Variants in TTC3 observed in about 807,000 individuals in gnomAD.
The protein encoded by TTC3 is E3 ubiquitin-protein ligase TTC3.
A neutral mutation model predicts 249.6 loss-of-function variants in TTC3; 180 were observed. The ratio of observed to expected loss-of-function variants is 0.72; its 90% confidence interval spans 0.64 to 0.82. The LOEUF is 0.82. Ranked by LOEUF, TTC3 falls within the 40% of genes least tolerant of loss-of-function variation. The pLI is 0.00. For missense variants in TTC3, 2,061 were observed against 2,398.4 expected, an observed-to-expected ratio of 0.86 and a Z score of 2.94; for synonymous variants, 717 against 805.0, an observed-to-expected ratio of 0.89 and a Z score of 1.85.
chr21:37,186,923 ACTGC>A (rs961176336), intron 37 of TTC3, 122 bp from the exon 38 acceptor site: 10 of 574,190 alleles, frequency 1.7e-5, no homozygotes, highest in Non-Finnish European at 3.0e-5. Context: ...GAGATGAGAA[ACTGC>A]TCTGGAAGAT....
At chr21:37,119,696 T>A (rs1010995541) in intron 11 of TTC3, among the ~76,000 whole-genome samples, 3 of 152,200 alleles carry the variant, frequency 2.0e-5, no homozygotes, top group Non-Finnish European at 4.4e-5. Flanking sequence ...TTACTTTATA[T>A]GTTTTTCATA....
At chr21:37,144,773 C>T (rs1274483263) in intron 21 of TTC3, 128 bp downstream of exon 21, 1 of 1,140,078 alleles carries the variant, frequency 8.8e-7, no homozygotes, top group Non-Finnish European at 1.2e-6. Context: ...TTCCCCTCTA[C>T]TGTCTAATGA....
At chr21:37,092,619 T>C (rs1425509533) in intron 7 of TTC3, among the ~76,000 whole-genome samples, 1 of 152,246 alleles carries the variant, frequency 6.6e-6, no homozygotes, top group Non-Finnish European at 1.5e-5. Flanking sequence ...TAAGACTAGA[T>C]AAGTCAGATC....
In TTC3 at chr21:37,112,981, A is replaced by G. The variant is rs530827554; in HGVS notation, c.900+4535A>G. On this transcript the variant is annotated intron_variant, in intron 11 of 45. Coordinates refer to ENST00000355666, the Ensembl canonical transcript of TTC3. ...ATAGATGCAGAAAAGTCCTTTGACAAAATTCAACAACGCTTCATGCTAAAA... is the reference window on the plus strand; with the variant it reads ...ATAGATGCAGAAAAGTCCTTTGACAGAATTCAACAACGCTTCATGCTAAAA... Among the ~76,000 whole-genome samples, 223 of 152,374 alleles carry G rather than the reference A, an allele frequency of 1.5e-3. 2 individuals carry two copies. The highest frequency in any genetic ancestry group is 4.9e-3 in the African/African-American group (204 of 41,590).
At chr21:37,159,878 G>C in intron 29 of TTC3, 133 bp downstream of exon 29, 2 of 670,212 alleles carry the variant, frequency 3.0e-6, no homozygotes, top group South Asian at 1.7e-5. Context: ...CGTCTGGGTA[G>C]TACGTACTAT....
intron 35 of TTC3, among the ~76,000 whole-genome samples, chr21:37,182,441 C>T (rs901374231): frequency 6.6e-6 from 1 of 152,196 alleles, no homozygotes; most frequent in African/African-American, 2.4e-5. Flanking sequence ...ATTGGCCTTG[C>T]CAACTAAAAC....
At chr21:37,160,367 A>G (rs1029058796) in intron 29 of TTC3, among the ~76,000 whole-genome samples, 5 of 152,230 alleles carry the variant, frequency 3.3e-5, no homozygotes, top group Non-Finnish European at 7.3e-5. Context: ...TAAGCAGGGA[A>G]ACACAGCTGA....
chr21:37,153,455 G>T, intron 27 of TTC3, 178 bp downstream of exon 27: 1 of 609,644 alleles, frequency 1.6e-6, no homozygotes. Flanking sequence ...CAGGATGATT[G>T]CTTAATCTCA....
chr21:37,157,003 A>G, intron 28 of TTC3, 97 bp downstream of exon 28: 1 of 1,452,944 alleles, frequency 6.9e-7, no homozygotes, highest in Non-Finnish European at 9.3e-7. Flanking sequence ...CAAAGAAAAT[A>G]GTGAAAATTA....
intron 14 of TTC3, among the ~76,000 whole-genome samples, chr21:37,125,411 T>G (rs1007017505): frequency 2.6e-5 from 4 of 152,232 alleles, no homozygotes; most frequent in South Asian, 2.1e-4. Flanking sequence ...TTGTGAGAGA[T>G]ATTACTGACT....
At chr21:37,093,084 A>G (rs1772809924) in intron 7 of TTC3, among the ~76,000 whole-genome samples, 1 of 152,196 alleles carries the variant, frequency 6.6e-6, no homozygotes, top group African/African-American at 2.4e-5. Flanking sequence ...TATGACATTC[A>G]AAGGAAATGC....
intron 16 of TTC3, 33 bp downstream of exon 16, chr21:37,129,096 C>A: frequency 6.8e-7 from 1 of 1,462,788 alleles, no homozygotes; most frequent in African/African-American, 1.5e-5. Flanking sequence ...GTTTTTTTCC[C>A]CTTAATATAC....
At position 37,179,534 on chromosome 21, in the gene TTC3, G is replaced by A. The variant is rs529564234; in HGVS notation, c.4618-3240G>A. Among the ~76,000 whole-genome samples, 52 of 152,176 alleles carry A rather than the reference G, an allele frequency of 3.4e-4. No homozygotes were observed. In the South Asian group the frequency reaches 3.9e-3, roughly 12 times the overall value. ...CTTTGGTGTCATAGCTAAGAAACCC[G>A]TCTACTTCAAGCGCACTGCTTACCC... On this transcript the variant is annotated intron_variant, in intron 35 of 45. Transcript: ENST00000355666.
intron 11 of TTC3, 27 bp downstream of exon 11, chr21:37,108,473 A>C (rs1457693570): frequency 1.3e-6 from 2 of 1,595,868 alleles, no homozygotes; most frequent in Non-Finnish European, 1.7e-6. Flanking sequence ...TTTTATATTG[A>C]GCAAATAATG....
Position 37,165,714 on chromosome 21 carries a change from A to G in TTC3, c.3500A>G (p.Asn1167Ser), listed in dbSNP as rs1024752167. The change falls in exon 33 of 46, where the codon AAC (asparagine) becomes AGC (serine). Residue 1167 changes from asparagine to serine, a missense_variant. This residue lies in a region of TTC3 where 1,040 missense variants were observed against 1,186.1 expected (regional missense o/e 0.88). Transcript: ENST00000355666. ...TGCCCTCGTTTTGTTGTGATTGACAACTGTATTGCACTGAAGAAGGTTGCA... is the reference window on the plus strand; with the variant it reads ...TGCCCTCGTTTTGTTGTGATTGACAGCTGTATTGCACTGAAGAAGGTTGCA... 7.4e-6 allele frequency: 12 copies of G among 1,613,602 alleles called. No homozygotes were observed. The highest frequency in any genetic ancestry group is 2.7e-5 in the African/African-American group (2 of 74,936).
In TTC3 at chr21:37,087,890, A is replaced by G. The variant is rs373589861; in HGVS notation, c.187+15A>G. 6 of 1,581,468 alleles carry G rather than the reference A, an allele frequency of 3.8e-6. No individual in the cohort carries two copies. In the African/African-American group the frequency reaches 6.8e-5, roughly 18 times the overall value. ...GAGGAATTTGGGTGAGTACGTTGGT[A>G]TTTTTAATGTTAATTTATGGAAAGA... is the stretch of plus-strand genomic sequence containing the variant. On this transcript the variant is annotated intron_variant, in intron 3 of 45. Coordinates refer to ENST00000355666, the Ensembl canonical transcript of TTC3.
intron 36 of TTC3, among the ~76,000 whole-genome samples, chr21:37,183,634 G>C: frequency 6.6e-6 from 1 of 152,150 alleles, no homozygotes; most frequent in East Asian, 1.9e-4. Context: ...GCTGGGTGAT[G>C]ACTGGGGGTG....
At chr21:37,102,593 CA>C in intron 10 of TTC3, among the ~76,000 whole-genome samples, 1 of 152,264 alleles carries the variant, frequency 6.6e-6, no homozygotes, top group South Asian at 2.1e-4. Context: ...GAAATAATGG[CA>C]AAACCCCTAA....
At chr21:37,137,981 G>A (rs1040055674) in intron 18 of TTC3, among the ~76,000 whole-genome samples, 1 of 152,122 alleles carries the variant, frequency 6.6e-6, no homozygotes, top group African/African-American at 2.4e-5. Flanking sequence ...TGTTATACCT[G>A]TGTAACAAAC....
Sources: allele counts gnomAD v4.1 joint callset (sites outside exome capture counted in the v4.1 genomes callset), GRCh38; gene constraint gnomAD v4.1.1; regional missense constraint gnomAD v4.1.1; transcripts MANE v1.5; gene names NCBI Gene and HGNC (gene_info 2026-07-23, HGNC 2026-07-21).